The following TBC1D5 variants were observed in gnomAD, a reference collection of about 807,000 sequenced individuals.
TBC1D5 encodes TBC1 domain family member 5.
A neutral mutation model predicts 100.3 loss-of-function variants in TBC1D5; 75 were observed. That is an observed-to-expected ratio of 0.75 (90% CI 0.62 to 0.91). The LOEUF (loss-of-function observed/expected upper bound fraction) is 0.91. TBC1D5 is among the 40% of genes least tolerant of loss of function. The pLI is 0.00. For synonymous variants in TBC1D5, 323 were observed against 325.6 expected (o/e 0.99, Z 0.09); for missense variants, 910 against 942.4 (o/e 0.97, Z 0.45).
chr3:17,587,311 T>A (rs1013033921), intron 2 of TBC1D5, among the ~76,000 whole-genome samples: 1 of 152,004 alleles, frequency 6.6e-6, no homozygotes, highest in African/African-American at 2.4e-5. Context: ...TCATTCTCTA[T>A]TAGTTCTTAA....
chr3:17,274,297 T>A (rs539671347), intron 15 of TBC1D5, among the ~76,000 whole-genome samples: 1 of 152,350 alleles, frequency 6.6e-6, no homozygotes, highest in Non-Finnish European at 1.5e-5. Flanking sequence ...CCTAAATATA[T>A]GCTGAAATTT....
chr3:17,529,467 G>A (rs570690101), intron 2 of TBC1D5, among the ~76,000 whole-genome samples: 21 of 151,958 alleles, frequency 1.4e-4, no homozygotes, highest in Non-Finnish European at 2.6e-4. Flanking sequence ...TTCCATCATT[G>A]TACTTATCAC....
intron 13 of TBC1D5, among the ~76,000 whole-genome samples, chr3:17,360,923 C>T (rs1057190785): frequency 6.6e-6 from 1 of 151,958 alleles, no homozygotes; most frequent in South Asian, 2.1e-4. Flanking sequence ...TTCCAAAACA[C>T]CAGTGAAAGA....
intron 2 of TBC1D5, among the ~76,000 whole-genome samples, chr3:17,558,951 CCT>C (rs1053440280): frequency 3.9e-4 from 60 of 152,168 alleles, no homozygotes; most frequent in African/African-American, 1.4e-3. Context: ...TTTATCAACC[CCT>C]GTTCTAAATC....
intron 14 of TBC1D5, among the ~76,000 whole-genome samples, chr3:17,302,476 A>AG (rs201208865): frequency 0.019 from 2,869 of 151,800 alleles, 88 homozygotes; most frequent in African/African-American, 0.065. Context: ...TCTTTTGTTG[A>AG]GGGGGGGGAT....
intron 14 of TBC1D5, among the ~76,000 whole-genome samples, chr3:17,303,489 T>C (rs956769139): frequency 3.9e-5 from 6 of 152,164 alleles, no homozygotes; most frequent in Non-Finnish European, 8.8e-5. Flanking sequence ...CTTTTCCTAT[T>C]AGGATCCTTG....
chr3:17,506,234 G>A (rs1401029362), intron 3 of TBC1D5, among the ~76,000 whole-genome samples: 1 of 152,086 alleles, frequency 6.6e-6, no homozygotes, highest in Admixed American at 6.6e-5. Context: ...TCATTAAAAT[G>A]CAACACATTT....
intron 1 of TBC1D5, among the ~76,000 whole-genome samples, chr3:17,642,316 A>C (rs1297420491): frequency 1.3e-5 from 2 of 152,056 alleles, no homozygotes; most frequent in Non-Finnish European, 2.9e-5. Context: ...CGTGCTCTCT[A>C]TATATAACCA....
At chr3:17,651,904 C>T (rs1180613373) in intron 1 of TBC1D5, among the ~76,000 whole-genome samples, 1 of 151,996 alleles carries the variant, frequency 6.6e-6, no homozygotes, top group African/African-American at 2.4e-5. Context: ...CTGATTCTGC[C>T]TGAAAACCCC....
At chr3:17,591,576 G>T (rs1025021301) in intron 2 of TBC1D5, among the ~76,000 whole-genome samples, 1 of 152,146 alleles carries the variant, frequency 6.6e-6, no homozygotes, top group Non-Finnish European at 1.5e-5. Context: ...TTAAAGTAGG[G>T]GCTTATGGAG....
chr3:17,241,292 T>C (rs2076288402), intron 16 of TBC1D5, among the ~76,000 whole-genome samples: 1 of 152,188 alleles, frequency 6.6e-6, no homozygotes, highest in Non-Finnish European at 1.5e-5. Flanking sequence ...GTGATGTGTA[T>C]GATTAAGTCA....
chr3:17,656,727 T>C (rs1158599112), intron 1 of TBC1D5, among the ~76,000 whole-genome samples: 1 of 152,212 alleles, frequency 6.6e-6, no homozygotes, highest in Non-Finnish European at 1.5e-5. Context: ...TTTTTTAATA[T>C]GAGCTGAACT....
intron 13 of TBC1D5, among the ~76,000 whole-genome samples, chr3:17,371,636 C>T (rs2092464421): frequency 6.6e-6 from 1 of 152,094 alleles, no homozygotes; most frequent in Non-Finnish European, 1.5e-5. Context: ...TGAGCATGCA[C>T]ATAGACACAC....
Position 17,205,235 on chromosome 3 carries a change from T to C in TBC1D5, c.1752+8972A>G, listed in dbSNP as rs372927612. ...AACAAGAAGAGATTACATATATGTA[T>C]TTTTCACTTGAAAATCCTATAATTA... On this transcript the variant is annotated intron_variant, in intron 18 of 21. Coordinates refer to ENST00000253692, the Ensembl canonical transcript of TBC1D5. 1.3e-3 allele frequency among the ~76,000 whole-genome samples: 195 copies of C among 152,330 alleles called. 3 individuals carry two copies. The South Asian group carries it at 0.04, about 31-fold the overall frequency.
At chr3:17,401,661 C>A (rs1001548702) in intron 8 of TBC1D5, among the ~76,000 whole-genome samples, 1 of 151,942 alleles carries the variant, frequency 6.6e-6, no homozygotes, top group Admixed American at 6.6e-5. Context: ...GCGCTGTGGC[C>A]CCTTCATTTA....
At chr3:17,276,891 A>G (rs1208748017) in intron 15 of TBC1D5, among the ~76,000 whole-genome samples, 1 of 152,240 alleles carries the variant, frequency 6.6e-6, no homozygotes, top group Admixed American at 6.5e-5. Flanking sequence ...ATGAATTGCC[A>G]TGCTAATTTT....
At chr3:17,441,002 G>A (rs753982876) in intron 3 of TBC1D5, among the ~76,000 whole-genome samples, 8 of 152,224 alleles carry the variant, frequency 5.3e-5, no homozygotes, top group Middle Eastern at 3.4e-3. Flanking sequence ...GTGGGTGGGT[G>A]TAGGAAAAAG....
chr3:17,335,151 C>T (rs768520173), intron 13 of TBC1D5, among the ~76,000 whole-genome samples: 1 of 152,056 alleles, frequency 6.6e-6, no homozygotes, highest in Non-Finnish European at 1.5e-5. Flanking sequence ...ATTGGTATTA[C>T]TAAACATATC....
At chr3:17,479,633 T>C (rs529949863) in intron 3 of TBC1D5, among the ~76,000 whole-genome samples, 1 of 152,226 alleles carries the variant, frequency 6.6e-6, no homozygotes, top group African/African-American at 2.4e-5. Flanking sequence ...GCCCAGGAAT[T>C]TGAGACCAGC....
Sources: allele counts gnomAD v4.1 joint callset (sites outside exome capture counted in the v4.1 genomes callset), GRCh38; gene constraint gnomAD v4.1.1; transcripts MANE v1.5; gene names NCBI Gene and HGNC (gene_info 2026-07-23, HGNC 2026-07-21).